PCDHA5: variants seen among roughly 807,000 people sequenced by gnomAD.
PCDHA5 encodes protocadherin alpha 5.
Under a neutral mutation model 61.6 loss-of-function variants are expected in PCDHA5, and 43 were observed. That is an observed-to-expected ratio of 0.70 (90% CI 0.55 to 0.90). PCDHA5 has a LOEUF of 0.90. Ranked by LOEUF, PCDHA5 falls within the 40% of genes least tolerant of loss-of-function variation. The probability of loss-of-function intolerance (pLI) is 0.00; values close to 1 mark genes in which losing one functional copy is unlikely to be tolerated. For missense variants in PCDHA5, 1,298 were observed against 1,222.7 expected (o/e 1.06, Z -0.92); for synonymous variants, 627 against 543.9 (o/e 1.15, Z -2.13).
intron 1 of PCDHA5, chr5:140,884,259 C>T (rs1554181391): frequency 1.9e-6 from 3 of 1,613,378 alleles, no homozygotes; most frequent in Admixed American, 1.7e-5. Flanking sequence ...GCCACGGCAA[C>T]GGTGCTGTTG....
intron 1 of PCDHA5, among the ~76,000 whole-genome samples, chr5:140,827,755 T>C (rs1769388112): frequency 6.6e-6 from 1 of 152,232 alleles, no homozygotes; most frequent in African/African-American, 2.4e-5. Context: ...TCCCTTACTT[T>C]AAATTAATAA....
In PCDHA5 at chr5:140,822,809, A is replaced by G; in HGVS notation, c.1034A>G (p.Asn345Ser). ...GTGAAACTCCTGGATGTGAATGATA[A>G]TACCCCAGAGATGGCCATAACCACC... The part of the protein sequence containing the change: ...VVVKLLDVND[N>S]TPEMAITTLF... The change falls in exon 1 of 4, where the codon AAT becomes AGT. Residue 345 changes from asparagine to serine, a missense_variant. By Grantham distance (46) the Asn-to-Ser change is conservative. Transcript: ENST00000529859. The G allele has an allele frequency of 1.9e-6, 3 of 1,614,196 alleles. No homozygotes were observed. Among genetic ancestry groups the G allele is most frequent in the Non-Finnish European group, 2.5e-6 (3 of 1,180,004 alleles).
intron 3 of PCDHA5, among the ~76,000 whole-genome samples, chr5:140,997,083 A>C (rs1267571178): frequency 2.6e-5 from 4 of 152,174 alleles, no homozygotes; most frequent in Non-Finnish European, 5.9e-5. Flanking sequence ...AGTTGAGTAG[A>C]AAGTGCAGAG....
chr5:140,841,831 C>A, intron 1 of PCDHA5: 1 of 1,613,930 alleles, frequency 6.2e-7, no homozygotes, highest in Non-Finnish European at 8.5e-7. Context: ...TGTTAACCTA[C>A]AGGCTTAGCT....
chr5:140,846,377 T>TCTC (rs1780417779), intron 1 of PCDHA5, among the ~76,000 whole-genome samples: 1 of 134,692 alleles, frequency 7.4e-6, no homozygotes, highest in African/African-American at 2.7e-5. Flanking sequence ...TTCTTTCTTT[T>TCTC]TTTTTTTTTT....
chr5:141,008,359 G>A (rs1369587129), intron 3 of PCDHA5, among the ~76,000 whole-genome samples: 1 of 152,150 alleles, frequency 6.6e-6, no homozygotes, highest in Non-Finnish European at 1.5e-5. Flanking sequence ...GTCAACCAAA[G>A]GAGCAGTGTT....
At chr5:140,824,177 T>A (rs2150132982) in intron 1 of PCDHA5, 50 bp downstream of exon 1, 1 of 1,609,658 alleles carries the variant, frequency 6.2e-7, no homozygotes, top group Admixed American at 1.7e-5. Context: ...TTTTCAAATA[T>A]TAAATGTCAC....
intron 1 of PCDHA5, chr5:140,871,103 C>G (rs202137231): frequency 4.3e-6 from 7 of 1,613,290 alleles, no homozygotes; most frequent in South Asian, 2.2e-5. Flanking sequence ...GTGCTGGTGT[C>G]GTTGGTGGAG....
rs2150132340 is a variant in PCDHA5 at position 140,824,125 on chromosome 5, A to T, written c.2350A>T (p.Asn784Tyr). The T allele has an allele frequency of 6.2e-7, 1 of 1,613,888 alleles. No individual in the cohort carries two copies. Among genetic ancestry groups the T allele is most frequent in the South Asian group, 1.1e-5 (1 of 91,070 alleles). Residue 784 changes from asparagine (N) to tyrosine (Y), a missense_variant and splice_region_variant, in exon 1 of 4, where the codon AAC (asparagine) becomes TAC (tyrosine). By Grantham distance (143) the Asn-to-Tyr change is moderately radical. Transcript: ENST00000529859. ...SLPQGPTSTD[N>Y]PRQPNPDWRY... The stretch of plus-strand genomic sequence containing the variant: ...TCCTCAGGGTCCCACCTCTACAGAC[A>T]ACGTGAGTTTTCTAATATTAACATC...
At chr5:140,870,100 T>G in intron 1 of PCDHA5, 3 of 1,613,914 alleles carry the variant, frequency 1.9e-6, no homozygotes, top group Non-Finnish European at 2.5e-6. Context: ...GGCAGGTCAC[T>G]GTACAGTCTG....
At chr5:140,828,512 C>A in intron 1 of PCDHA5, 2 of 1,614,238 alleles carry the variant, frequency 1.2e-6, no homozygotes, top group East Asian at 2.2e-5. Flanking sequence ...ACAAAGAGTG[C>A]TGATTTACGA....
chr5:140,950,820 AG>A (rs1429119954), intron 1 of PCDHA5, among the ~76,000 whole-genome samples: 2 of 152,088 alleles, frequency 1.3e-5, no homozygotes, highest in Non-Finnish European at 2.9e-5. Context: ...GTAGGGTTAA[AG>A]TTTGGTCCTT....
At position 140,822,236 on chromosome 5, in the gene PCDHA5, A is replaced by G; in HGVS notation, c.461A>G (p.Glu154Gly). ...ATGCCAGATTCGCGGTTTCCGCTAGAGGGCGCGTCGGATTTGGATATTGGA... is the reference window on the plus strand; with the variant it reads ...ATGCCAGATTCGCGGTTTCCGCTAGGGGGCGCGTCGGATTTGGATATTGGA... ...SRMPDSRFPL[E>G]GASDLDIGAN... is the part of the protein sequence containing the mutation. The change falls in exon 1 of 4, where the codon GAG becomes GGG. Residue 154 changes from glutamate to glycine, a missense_variant. Transcript: ENST00000529859. 1 of 1,614,248 alleles carries G rather than the reference A, an allele frequency of 6.2e-7. No homozygotes were observed. The highest frequency in any genetic ancestry group is 8.5e-7 in the Non-Finnish European group (1 of 1,180,050).
At chr5:140,870,524 TCA>T (rs782755570) in intron 1 of PCDHA5, 1 of 1,614,194 alleles carries the variant, frequency 6.2e-7, no homozygotes, top group Non-Finnish European at 8.5e-7. Context: ...TGCCACATCT[TCA>T]CAGTGTCGGC....
intron 1 of PCDHA5, chr5:140,877,686 G>T (rs1554169986): frequency 6.2e-7 from 1 of 1,613,818 alleles, no homozygotes; most frequent in Non-Finnish European, 8.5e-7. Flanking sequence ...GCAAGCCCAC[G>T]CTGGTGTGCT....
Position 140,822,197 on chromosome 5 carries a change from T to C in PCDHA5, c.422T>C (p.Ile141Thr), listed in dbSNP as rs1767226544. Reference protein sequence around the residue: ...RFSRQEQRLFILESRMPDSRF... With the variant: ...RFSRQEQRLFTLESRMPDSRF... ...TCCAGACAAGAACAAAGATTATTCA[T>C]TTTAGAGTCAAGAATGCCAGATTCG... is the stretch of plus-strand genomic sequence containing the variant. Residue 141 changes from isoleucine to threonine, a missense_variant, in exon 1 of 4, where the codon ATT (isoleucine) becomes ACT (threonine). Physicochemically the swap from Ile to Thr is moderately conservative, Grantham distance 89. Transcript: ENST00000529859. 6.2e-7 allele frequency: 1 copy of C among 1,614,220 alleles called. No homozygotes were observed. Among genetic ancestry groups the C allele is most frequent in the African/African-American group, 1.3e-5 (1 of 75,060 alleles).
chr5:140,942,608 T>G (rs1221656316), intron 1 of PCDHA5, among the ~76,000 whole-genome samples: 3 of 114,466 alleles, frequency 2.6e-5, no homozygotes, highest in Non-Finnish European at 5.4e-5. Context: ...AGTGTTTATA[T>G]TTGCCAATTG....
chr5:140,858,108 C>T (rs781859966), intron 1 of PCDHA5: 1 of 1,597,706 alleles, frequency 6.3e-7, no homozygotes, highest in South Asian at 1.1e-5. Context: ...GGCGTGGCGC[C>T]CGAGGTGGCC....
chr5:140,967,935 A>G (rs186453952), intron 1 of PCDHA5: 13 of 1,614,214 alleles, frequency 8.1e-6, no homozygotes, highest in South Asian at 4.4e-5. Flanking sequence ...CTCAGTGTCA[A>G]TGACCAAGAC....
Sources: gnomAD v4.1 joint callset for allele counts (sites outside exome capture counted in the v4.1 genomes callset) on GRCh38, gnomAD v4.1.1 for gene constraint, MANE v1.5 for transcripts, NCBI Gene and HGNC (gene_info 2026-07-23, HGNC 2026-07-21) for gene names.